Variants in RYR3 observed in about 807,000 individuals in gnomAD.
RYR3 encodes brain ryanodine receptor-calcium release channel.
In RYR3, 207 loss-of-function variants were observed where a neutral mutation model predicts 584.3. The observed-to-expected ratio is 0.35, with a 90% CI of 0.32 to 0.40. The LOEUF is 0.40. Ranked by LOEUF, RYR3 falls within the 10% of genes least tolerant of loss-of-function variation. The pLI, the probability that RYR3 is intolerant of heterozygous loss-of-function variation, is 1.00. For synonymous variants in RYR3, 2,416 were observed against 2,248.5 expected, an observed-to-expected ratio of 1.07 and a Z score of -2.11; for missense variants, 5,616 against 6,089.2, an observed-to-expected ratio of 0.92 and a Z score of 2.59.
intron 43 of RYR3, among the ~76,000 whole-genome samples, chr15:33,713,528 TG>T (rs35930450): frequency 0.19 from 28,761 of 151,720 alleles, 2,911 homozygotes; most frequent in Middle Eastern, 0.27. Context: ...GTGAGGGTTG[TG>T]GTGAGGATAA....
At chr15:33,562,639 G>A (rs367860869) in intron 10 of RYR3, among the ~76,000 whole-genome samples, 198 bp from the exon 11 acceptor site, 5 of 152,084 alleles carry the variant, frequency 3.3e-5, no homozygotes, top group Admixed American at 6.5e-5. Context: ...ACCAGAACTC[G>A]AAAGCCATTG....
chr15:33,408,360 A>C (rs2043165044), intron 1 of RYR3, among the ~76,000 whole-genome samples: 1 of 152,182 alleles, frequency 6.6e-6, no homozygotes. Flanking sequence ...GTTGTGTAGT[A>C]GTCCATGATA....
intron 27 of RYR3, among the ~76,000 whole-genome samples, chr15:33,636,867 A>G (rs1387463704): frequency 2.6e-5 from 4 of 152,364 alleles, no homozygotes; most frequent in African/African-American, 7.2e-5. Flanking sequence ...CACTTATTGT[A>G]TATGACTAAT....
rs772160575 is a variant in RYR3 at position 33,838,954 on chromosome 15, C to G, written c.12974C>G (p.Ala4325Gly). 1.6e-5 allele frequency: 26 copies of G among 1,603,910 alleles called. No individual in the cohort carries two copies. In the African/African-American group the frequency reaches 2.4e-4, roughly 15 times the overall value. ...LESTVQKKRKAQAAEMKAANE... is the reference protein window; with the variant it reads ...LESTVQKKRKGQAAEMKAANE... ...AGTACTGTACAGAAGAAGAGGAAAG[C>G]TCAGGTAAGTGTCATTTGTTTCTTT... Residue 4325 changes from alanine to glycine, a missense_variant, in exon 89 of 104, where the codon GCT becomes GGT. Physicochemically the swap from Ala to Gly is moderately conservative, Grantham distance 60 (BLOSUM62 0). Coordinates refer to ENST00000634891, the MANE Select transcript of RYR3 (RefSeq NM_001036.6).
chr15:33,351,208 A>G (rs1486778168), intron 1 of RYR3, among the ~76,000 whole-genome samples: 1 of 152,250 alleles, frequency 6.6e-6, no homozygotes. Context: ...AGACTAAACC[A>G]GGAAGAAGTT....
rs557849234 is a variant in RYR3 at position 33,480,694 on chromosome 15, G to T, written c.171+7156G>T. Among the ~76,000 whole-genome samples the T allele has an allele frequency of 1.2e-3, 189 of 152,278 alleles. 2 individuals carry two copies. Among genetic ancestry groups the T allele is most frequent in the African/African-American group, 4.1e-3 (172 of 41,566 alleles). On this transcript the variant is annotated intron_variant, in intron 2 of 103. Coordinates refer to ENST00000634891, the MANE Select transcript of RYR3 (RefSeq NM_001036.6). The stretch of plus-strand genomic sequence containing the variant: ...TGTTACTAATTTTTATTTTAATTCT[G>T]ATGTGCTCAGAAAACATTCTGTGTA...
chr15:33,838,682 C>G lies in RYR3; in HGVS notation c.12702C>G (p.Asp4234Glu). The change falls in exon 89 of 104, where the codon GAC becomes GAG. Residue 4234 changes from aspartate to glutamate, a missense_variant. This residue lies in a region of RYR3 where 918 missense variants were observed against 887.4 expected (regional missense o/e 1.03). Transcript: ENST00000634891. ...KNIRVTKILGDMPDPTQFGIH... is the reference protein window; with the variant it reads ...KNIRVTKILGEMPDPTQFGIH... ...TCAGAGTGACCAAGATCCTGGGTGACATGCCTGACCCAACCCAATTTGGTA... is the reference window on the plus strand; with the variant it reads ...TCAGAGTGACCAAGATCCTGGGTGAGATGCCTGACCCAACCCAATTTGGTA... The G allele has an allele frequency of 6.2e-7, 1 of 1,613,972 alleles. No homozygotes were observed. The highest frequency in any genetic ancestry group is 8.5e-7 in the Non-Finnish European group (1 of 1,179,884).
chr15:33,759,688 C>T (rs951133976), intron 60 of RYR3, among the ~76,000 whole-genome samples: 1 of 152,138 alleles, frequency 6.6e-6, no homozygotes, highest in Non-Finnish European at 1.5e-5. Context: ...CTGAAAGTGA[C>T]GGGGAGAATA....
rs149541305 is a variant in RYR3 at position 33,454,455 on chromosome 15, C to A, written c.52-18964C>A. Among the ~76,000 whole-genome samples the A allele has an allele frequency of 2.0e-3, 307 of 152,228 alleles. 1 individual carries two copies. Among genetic ancestry groups the A allele is most frequent in the African/African-American group, 6.9e-3 (285 of 41,522 alleles). ...GTTTAAACTTAAGACCCTGGCCAAG[C>A]GAAACTCCATCCATCATCCAGTCAT... On this transcript the variant is annotated intron_variant, in intron 1 of 103. Transcript: ENST00000634891.
chr15:33,773,336 A>AT (rs1245077432), intron 63 of RYR3, among the ~76,000 whole-genome samples, 198 bp from the exon 64 acceptor site: 2 of 151,962 alleles, frequency 1.3e-5, no homozygotes, highest in Non-Finnish European at 2.9e-5. Flanking sequence ...TCAGTGGAGG[A>AT]TTTTTCCTAT....
intron 94 of RYR3, chr15:33,851,708 T>C (rs1453430648): frequency 2.0e-5 from 3 of 152,192 alleles, no homozygotes; most frequent in African/African-American, 4.8e-5. Context: ...TGGAATCTTC[T>C]GCTTAGGAGA....
In RYR3 at chr15:33,644,305, C is replaced by G. The variant is rs1303912355; in HGVS notation, c.3557-6C>G. 1 of 1,605,238 alleles carries G rather than the reference C, an allele frequency of 6.2e-7. No homozygotes were observed. Among genetic ancestry groups the G allele is most frequent in the African/African-American group, 1.3e-5 (1 of 74,830 alleles). On this transcript the variant is annotated splice_polypyrimidine_tract_variant and splice_region_variant and intron_variant, in intron 27 of 103. Coordinates refer to ENST00000634891, the MANE Select transcript of RYR3 (RefSeq NM_001036.6). ...GCTAAAGCAGGTCTCTCTAACTCTT[C>G]TGCAGGCTTCGTGCCCATCTGCTGT...
At chr15:33,456,563 C>T (rs913083884) in intron 1 of RYR3, among the ~76,000 whole-genome samples, 4 of 152,086 alleles carry the variant, frequency 2.6e-5, no homozygotes, top group African/African-American at 9.7e-5. Context: ...TCAGTGGCTC[C>T]CGAGGTGCTT....
chr15:33,613,105 C>A, intron 18 of RYR3, 78 bp from the exon 19 acceptor site: 2 of 1,099,984 alleles, frequency 1.8e-6, no homozygotes, highest in Non-Finnish European at 2.7e-6. Flanking sequence ...CCACCTCCCG[C>A]AGAGGCCTCT....
At chr15:33,835,240 T>A (rs1489293389) in intron 87 of RYR3, among the ~76,000 whole-genome samples, 168 bp downstream of exon 87, 1 of 152,226 alleles carries the variant, frequency 6.6e-6, no homozygotes, top group Non-Finnish European at 1.5e-5. Context: ...TGGAAATGAA[T>A]GCCTCGGAGG....
At chr15:33,434,453 C>T (rs1045031432) in intron 1 of RYR3, among the ~76,000 whole-genome samples, 1 of 147,930 alleles carries the variant, frequency 6.8e-6, no homozygotes, top group Non-Finnish European at 1.5e-5. Flanking sequence ...TATTCCTCTC[C>T]ATATTTCCAC....
At chr15:33,846,573 T>C (rs2078737312) in intron 93 of RYR3, among the ~76,000 whole-genome samples, 1 of 152,062 alleles carries the variant, frequency 6.6e-6, no homozygotes, top group South Asian at 2.1e-4. Flanking sequence ...CCAGGAAGAG[T>C]CCAGGAAATA....
At chr15:33,402,387 A>C (rs2042740076) in intron 1 of RYR3, among the ~76,000 whole-genome samples, 1 of 152,208 alleles carries the variant, frequency 6.6e-6, no homozygotes, top group Admixed American at 6.5e-5. Flanking sequence ...TCCCAATTTG[A>C]TTCTCTCCCC....
At chr15:33,552,470 G>A (rs1388180837) in intron 10 of RYR3, among the ~76,000 whole-genome samples, 1 of 152,154 alleles carries the variant, frequency 6.6e-6, no homozygotes, top group Non-Finnish European at 1.5e-5. Flanking sequence ...AGAGCTGGGG[G>A]CAAAAGTCAC....
Sources: allele counts gnomAD v4.1 joint callset (sites outside exome capture counted in the v4.1 genomes callset), GRCh38; gene constraint gnomAD v4.1.1; regional missense constraint gnomAD v4.1.1; transcripts MANE v1.5; gene names NCBI Gene and HGNC (gene_info 2026-07-23, HGNC 2026-07-21).